NTRK3: variants seen among roughly 807,000 people sequenced by gnomAD.
The protein encoded by NTRK3 is NT-3 growth factor receptor.
In NTRK3, 24 loss-of-function variants were observed where a neutral mutation model predicts 91.7. The ratio of observed to expected loss-of-function variants is 0.26; its 90% confidence interval spans 0.19 to 0.37. The LOEUF (loss-of-function observed/expected upper bound fraction) is 0.37. Ranked by LOEUF, NTRK3 falls within the 10% of genes least tolerant of loss-of-function variation. NTRK3 has a pLI of 1.00. For missense variants in NTRK3, 880 were observed against 1,068.9 expected (o/e 0.82, Z 2.46); for synonymous variants, 483 against 404.0 (o/e 1.20, Z -2.34).
chr15:88,094,106 G>A (rs939541488), intron 13 of NTRK3, among the ~76,000 whole-genome samples: 10 of 152,116 alleles, frequency 6.6e-5, no homozygotes, highest in Non-Finnish European at 1.5e-4. Flanking sequence ...TCTTTAAAAA[G>A]CCAGTGGAAG....
chr15:87,928,948 T>C, intron 17 of NTRK3: 1 of 608,234 alleles, frequency 1.6e-6, no homozygotes, highest in Non-Finnish European at 2.9e-6. Flanking sequence ...CATATGTTAT[T>C]GCAATGTACA....
chr15:87,949,372 G>C (rs1435299816), intron 14 of NTRK3, among the ~76,000 whole-genome samples: 1 of 152,076 alleles, frequency 6.6e-6, no homozygotes, highest in Admixed American at 6.5e-5. Context: ...GGTCAGCTCT[G>C]AAGAAGCTCA....
At chr15:88,104,706 C>T (rs1029932563) in intron 13 of NTRK3, among the ~76,000 whole-genome samples, 1 of 152,186 alleles carries the variant, frequency 6.6e-6, no homozygotes, top group South Asian at 2.1e-4. Flanking sequence ...TTCCTACTGC[C>T]AATCCTGTGT....
chr15:87,961,940 G>T (rs1195648900), intron 14 of NTRK3, among the ~76,000 whole-genome samples: 1 of 152,230 alleles, frequency 6.6e-6, no homozygotes, highest in Non-Finnish European at 1.5e-5. Context: ...GGCCACACAT[G>T]GCTGAGTGGA....
chr15:87,897,113 GGA>G (rs1420492711), intron 17 of NTRK3, among the ~76,000 whole-genome samples: 3 of 152,044 alleles, frequency 2.0e-5, no homozygotes, highest in African/African-American at 7.3e-5. Flanking sequence ...AAAAACCCTT[GGA>G]GTCTTCCAAA....
chr15:88,207,093 A>T (rs571310713), intron 3 of NTRK3, among the ~76,000 whole-genome samples: 80 of 152,312 alleles, frequency 5.3e-4, no homozygotes, highest in Non-Finnish European at 1.0e-3. Context: ...TTGTGGGTCC[A>T]TCAGGGCCTG....
intron 13 of NTRK3, among the ~76,000 whole-genome samples, chr15:88,107,931 G>C (rs2050890498): frequency 1.3e-5 from 2 of 152,006 alleles, no homozygotes; most frequent in African/African-American, 4.8e-5. Flanking sequence ...TGGCAGGCAA[G>C]TAGAGGACCC....
intron 14 of NTRK3, among the ~76,000 whole-genome samples, chr15:87,988,339 ATGTAAAG>A (rs762101883): frequency 1.6e-4 from 24 of 152,226 alleles, no homozygotes; most frequent in Non-Finnish European, 2.8e-4. Flanking sequence ...TGATAACTAA[ATGTAAAG>A]TGGTGTTCTG....
chr15:88,148,987 G>C (rs1219984325), intron 5 of NTRK3, among the ~76,000 whole-genome samples: 3 of 152,180 alleles, frequency 2.0e-5, no homozygotes, highest in African/African-American at 7.2e-5. Context: ...TCACATGGAG[G>C]CGATGGGATA....
chr15:88,202,458 C>T (rs2048385674), intron 3 of NTRK3, among the ~76,000 whole-genome samples: 1 of 152,192 alleles, frequency 6.6e-6, no homozygotes, highest in Admixed American at 6.5e-5. Flanking sequence ...GCAGAAACCT[C>T]AAAGAACCCA....
chr15:88,206,844 C>A (rs1365162649), intron 3 of NTRK3, among the ~76,000 whole-genome samples: 1 of 152,180 alleles, frequency 6.6e-6, no homozygotes, highest in Non-Finnish European at 1.5e-5. Flanking sequence ...GCATCGGAGG[C>A]CCCACGCAGG....
chr15:88,197,638 G>A (rs2047948367), intron 3 of NTRK3, among the ~76,000 whole-genome samples: 2 of 152,208 alleles, frequency 1.3e-5, no homozygotes, highest in South Asian at 4.1e-4. Flanking sequence ...GCTTTCCTGA[G>A]GCTTGAATCC....
chr15:87,952,812 A>G (rs1168184014), intron 14 of NTRK3, among the ~76,000 whole-genome samples: 1 of 151,876 alleles, frequency 6.6e-6, no homozygotes, highest in African/African-American at 2.4e-5. Context: ...CCACTCCCGG[A>G]GCCAGGGCTT....
At chr15:87,888,510 C>T (rs898225076) in intron 17 of NTRK3, among the ~76,000 whole-genome samples, 1 of 152,188 alleles carries the variant, frequency 6.6e-6, no homozygotes, top group Non-Finnish European at 1.5e-5. Flanking sequence ...GCCAGAGAAG[C>T]TCAGTCTCTG....
intron 14 of NTRK3, among the ~76,000 whole-genome samples, chr15:88,023,160 T>A (rs1419161845): frequency 1.3e-5 from 2 of 152,232 alleles, no homozygotes; most frequent in Non-Finnish European, 2.9e-5. Context: ...GATTAATATC[T>A]TGAGGCTGAG....
intron 3 of NTRK3, among the ~76,000 whole-genome samples, chr15:88,239,439 C>G (rs1490729969): frequency 6.6e-6 from 1 of 152,180 alleles, no homozygotes; most frequent in Non-Finnish European, 1.5e-5. Context: ...GGCGCAGTCA[C>G]ACAATGACTT....
chr15:88,078,413 C>T lies in NTRK3; in HGVS notation c.1397-45368G>A, dbSNP rs115141101. Among the ~76,000 whole-genome samples the T allele has an allele frequency of 9.4e-3, 1,434 of 152,282 alleles. 33 individuals carry two copies. Among genetic ancestry groups the T allele is most frequent in the African/African-American group, 0.033 (1,369 of 41,556 alleles). Reference sequence around the variant, plus strand: ...GCTCACGCCTGTAATCCCGGCACTTCGGGAGGCCTAGGATCACTTGAAGTC... The same window carrying T: ...GCTCACGCCTGTAATCCCGGCACTTTGGGAGGCCTAGGATCACTTGAAGTC... On this transcript the variant is annotated intron_variant, in intron 13 of 18. Transcript: ENST00000394480.
intron 14 of NTRK3, among the ~76,000 whole-genome samples, chr15:87,985,169 GAGTA>G (rs905483647): frequency 1.3e-5 from 2 of 152,166 alleles, no homozygotes; most frequent in African/African-American, 4.8e-5. Context: ...TGAACTATGT[GAGTA>G]AGGGAAGCAA....
exon 19 of NTRK3, chr15:87,866,482 C>T (rs979611854): frequency 3.0e-5 from 5 of 167,064 alleles, no homozygotes; most frequent in African/African-American, 1.2e-4. Flanking sequence ...CTATATATAT[C>T]CCATATAATA....
Sources: gnomAD v4.1 joint callset for allele counts (sites outside exome capture counted in the v4.1 genomes callset) on GRCh38, gnomAD v4.1.1 for gene constraint, MANE v1.5 for transcripts, NCBI Gene and HGNC (gene_info 2026-07-23, HGNC 2026-07-21) for gene names.